The following TMPO variants were observed in gnomAD, a reference collection of about 807,000 sequenced individuals.
TMPO encodes the protein thymopoietin.
In TMPO, 22 loss-of-function variants were observed where a neutral mutation model predicts 45.4. The observed-to-expected ratio is 0.48, with a 90% CI of 0.35 to 0.69. The LOEUF (loss-of-function observed/expected upper bound fraction) is 0.69. Ranked by LOEUF, TMPO falls within the 30% of genes least tolerant of loss-of-function variation. The pLI is 0.01. For missense variants in TMPO, 512 were observed against 548.8 expected (o/e 0.93, Z 0.67); for synonymous variants, 241 against 204.1 (o/e 1.18, Z -1.54).
At chr12:98,533,696 C>T (rs1353512676) in intron 3 of TMPO, 17 of 1,614,138 alleles carry the variant, frequency 1.1e-5, no homozygotes, top group Non-Finnish European at 1.4e-5. Flanking sequence ...GCTAAGCAAT[C>T]ACAGCATGAT....
chr12:98,538,181 A>C (rs1471574750), intron 4 of TMPO, among the ~76,000 whole-genome samples: 1 of 152,230 alleles, frequency 6.6e-6, no homozygotes. Flanking sequence ...TACAGAGAAC[A>C]AATTATTGAC....
At chr12:98,541,818 A>G (rs1288943839) in intron 4 of TMPO, among the ~76,000 whole-genome samples, 2 of 152,000 alleles carry the variant, frequency 1.3e-5, no homozygotes, top group South Asian at 2.1e-4. Context: ...GTTTTGATTT[A>G]TATTTTGTTT....
chr12:98,534,837 GTTAT>G lies in TMPO; in HGVS notation c.566-2632_566-2629del, dbSNP rs1877474101. ...TGCTCATATTTTCTTACTTTTCTTT[GTTAT>G]TTATTCATGTCTGCAACATCAATCA... On this transcript the variant is annotated intron_variant, in intron 3 of 8. Transcript: ENST00000556029. The G allele has an allele frequency of 3.0e-6, 3 of 1,001,650 alleles. No individual in the cohort carries two copies. The East Asian group carries it at 3.1e-4, about 103-fold the overall frequency. The allele number at this position is 1,001,650 out of a possible 1,614,324, so 62.0% of individuals were successfully genotyped here.
At chr12:98,524,373 A>G (rs1876600394) in intron 1 of TMPO, among the ~76,000 whole-genome samples, 1 of 152,130 alleles carries the variant, frequency 6.6e-6, no homozygotes. Context: ...GGAGTTTGAG[A>G]CTAGCCTGGC....
At position 98,546,800 on chromosome 12, in the gene TMPO, G is replaced by A. The variant is rs562344204; in HGVS notation, c.1079+353G>A. Among the ~76,000 whole-genome samples the A allele has an allele frequency of 2.0e-5, 3 of 152,166 alleles. No homozygotes were observed. In the South Asian group the frequency reaches 6.2e-4, roughly 32 times the overall value. ...TTCAAAATTGCGATTGGTAAATGGAGGATTTTAAATAAATCACTTACTTAC... is the reference window on the plus strand; with the variant it reads ...TTCAAAATTGCGATTGGTAAATGGAAGATTTTAAATAAATCACTTACTTAC... On this transcript the variant is annotated intron_variant, in intron 8 of 8. Coordinates refer to ENST00000556029, the MANE Select transcript of TMPO (RefSeq NM_001032283.3).
At chr12:98,534,207 T>A in intron 3 of TMPO, 2 of 1,613,996 alleles carry the variant, frequency 1.2e-6, no homozygotes, top group Non-Finnish European at 1.7e-6. Flanking sequence ...CTGTAGGTCG[T>A]CGATACCTCT....
chr12:98,527,120 C>G (rs896293742), intron 1 of TMPO, among the ~76,000 whole-genome samples: 4 of 151,922 alleles, frequency 2.6e-5, no homozygotes, highest in Non-Finnish European at 5.9e-5. Context: ...ATGTTAAGCC[C>G]AGTCTGGCTT....
chr12:98,532,831 A>G, intron 3 of TMPO: 1 of 1,614,198 alleles, frequency 6.2e-7, no homozygotes, highest in Non-Finnish European at 8.5e-7. Context: ...AGGAAAGAAG[A>G]AAGAACACAA....
chr12:98,532,991 A>C, intron 3 of TMPO: 2 of 1,614,150 alleles, frequency 1.2e-6, no homozygotes, highest in Non-Finnish European at 1.7e-6. Context: ...AAGAAAGTAC[A>C]TACTTCTAAG....
At chr12:98,517,230 T>A (rs955961865) in intron 1 of TMPO, among the ~76,000 whole-genome samples, 1 of 152,278 alleles carries the variant, frequency 6.6e-6, no homozygotes, top group Admixed American at 6.5e-5. Context: ...GACATTCTGG[T>A]GCATCAGTAT....
At chr12:98,516,493 G>T (rs1409861888) in intron 1 of TMPO, 1 of 1,096,064 alleles carries the variant, frequency 9.1e-7, no homozygotes, top group East Asian at 5.5e-5. Flanking sequence ...GAAAGCTCTG[G>T]AGGGGTGGCC....
chr12:98,536,592 C>T (rs928305854), intron 3 of TMPO, among the ~76,000 whole-genome samples: 11 of 152,122 alleles, frequency 7.2e-5, no homozygotes, highest in Non-Finnish European at 1.6e-4. Context: ...CTCAGGTGAT[C>T]CGCCCACCTC....
chr12:98,537,495 C>G lies in TMPO; in HGVS notation c.586C>G (p.Leu196Val). ...NEEDSKIELKLEKREPLKGRA... is the reference protein window; with the variant it reads ...NEEDSKIELKVEKREPLKGRA... ...TCCAGACTCTAAAATAGAGCTCAAG[C>G]TTGAGAAGAGAGAACCACTAAAGGG... Residue 196 changes from leucine to valine, a missense_variant, in exon 4 of 9, where the codon CTT becomes GTT. Around this residue, in one of 3 missense-constraint regions of TMPO, gnomAD observed 299 missense variants for 296.7 expected, o/e 1.01. Transcript: ENST00000556029. The G allele has an allele frequency of 6.2e-7, 1 of 1,613,260 alleles. No individual in the cohort carries two copies. Among genetic ancestry groups the G allele is most frequent in the Admixed American group, 1.7e-5 (1 of 59,980 alleles).
chr12:98,527,591 C>A, intron 1 of TMPO: 1 of 212,348 alleles, frequency 4.7e-6, no homozygotes, highest in Non-Finnish European at 9.3e-6. Flanking sequence ...CTTTTAGTTG[C>A]TCTTTTGCAT....
chr12:98,533,649 T>C, intron 3 of TMPO: 1 of 1,614,186 alleles, frequency 6.2e-7, no homozygotes, highest in Non-Finnish European at 8.5e-7. Flanking sequence ...CCAAAACTGT[T>C]GTCTCTCATT....
chr12:98,522,321 T>G (rs1344335094), intron 1 of TMPO, among the ~76,000 whole-genome samples: 5 of 152,306 alleles, frequency 3.3e-5, no homozygotes, highest in Admixed American at 3.3e-4. Context: ...GGCCAAATTA[T>G]GAATTCTCAA....
chr12:98,523,444 G>C lies in TMPO; in HGVS notation c.280-4442G>C, dbSNP rs535912001. On this transcript the variant is annotated intron_variant, in intron 1 of 8. Transcript: ENST00000556029. ...ATGGTGTTGCGCGCTTGTAATTTCA[G>C]CTGCTTGGGAGGCTGAGGCAGGAGA... Among the ~76,000 whole-genome samples the C allele has an allele frequency of 3.3e-5, 5 of 152,002 alleles. No homozygotes were observed. In the South Asian group the frequency reaches 1.0e-3, roughly 32 times the overall value.
intron 3 of TMPO, chr12:98,534,438 C>A: frequency 6.3e-7 from 1 of 1,581,900 alleles, no homozygotes; most frequent in Middle Eastern, 2.3e-4. Context: ...CCAGATAGGG[C>A]TAATTACAAA....
Position 98,537,532 on chromosome 12 carries a change from C to T in TMPO, c.623C>T (p.Thr208Ile). The T allele has an allele frequency of 6.2e-7, 1 of 1,613,586 alleles. No individual in the cohort carries two copies. Among genetic ancestry groups the T allele is most frequent in the Non-Finnish European group, 8.5e-7 (1 of 1,179,724 alleles). ...GAACCACTAAAGGGCAGAGCAAAGA[C>T]TCCAGTAACACTCAAGCAAAGAAGA... Reference protein sequence around the residue: ...KREPLKGRAKTPVTLKQRRVE... With the variant: ...KREPLKGRAKIPVTLKQRRVE... Residue 208 changes from threonine (T) to isoleucine (I), a missense_variant, in exon 4 of 9, where the codon ACT becomes ATT. Physicochemically the swap from Thr to Ile is moderately conservative, Grantham distance 89. Transcript: ENST00000556029.
Sources: allele counts gnomAD v4.1 joint callset (sites outside exome capture counted in the v4.1 genomes callset), GRCh38; gene constraint gnomAD v4.1.1; regional missense constraint gnomAD v4.1.1; transcripts MANE v1.5; gene names NCBI Gene and HGNC (gene_info 2026-07-23, HGNC 2026-07-21).